The following ZNF451 variants were observed in gnomAD, a reference collection of about 807,000 sequenced individuals.
ZNF451 encodes zinc finger protein 451.
Under a neutral mutation model 107.1 loss-of-function variants are expected in ZNF451, and 80 were observed. That is an observed-to-expected ratio of 0.75 (90% CI 0.62 to 0.90). The LOEUF is 0.90. Ranked by LOEUF, ZNF451 falls within the 40% of genes least tolerant of loss-of-function variation. The pLI is 0.00. For synonymous variants in ZNF451, 362 were observed against 406.5 expected (o/e 0.89, Z 1.32); for missense variants, 1,107 against 1,236.2 (o/e 0.90, Z 1.57).
At chr6:57,159,580 G>A (rs7770035) in intron 13 of ZNF451, 3,721 of 175,608 alleles carry the variant, frequency 0.021, 157 homozygotes, top group African/African-American at 0.089. Context: ...TATCATTAGC[G>A]TTAGTGTATT....
chr6:57,154,890 A>G (rs1216867791), intron 13 of ZNF451, among the ~76,000 whole-genome samples: 1 of 151,726 alleles, frequency 6.6e-6, no homozygotes, highest in Non-Finnish European at 1.5e-5. Flanking sequence ...CTTGCCTCCT[A>G]GATTTTTTTT....
In ZNF451 at chr6:57,168,922, C is replaced by T. The variant is rs1764018568; in HGVS notation, c.*453C>T. ...TCCATAAATTCTACTTCTCATGTGGCACTATTATATAATACCTTTGAGATC... is the reference window on the plus strand; with the variant it reads ...TCCATAAATTCTACTTCTCATGTGGTACTATTATATAATACCTTTGAGATC... On this transcript the variant is annotated 3_prime_UTR_variant, in exon 15 of 15. Transcript: ENST00000370706. 1 of 155,780 alleles carries T rather than the reference C, an allele frequency of 6.4e-6. No individual in the cohort carries two copies. The highest frequency in any genetic ancestry group is 1.4e-5 in the Non-Finnish European group (1 of 70,804). The allele number at this position is 155,780 out of a possible 1,614,324, so 9.6% of individuals were successfully genotyped here.
chr6:57,103,695 C>T (rs1829714146), intron 3 of ZNF451: 1 of 985,150 alleles, frequency 1.0e-6, no homozygotes, highest in Admixed American at 6.2e-5. Flanking sequence ...GTTTTTTCAT[C>T]TGCTTGATCA....
chr6:57,096,126 A>G (rs1380970555), intron 2 of ZNF451, among the ~76,000 whole-genome samples: 1 of 128,982 alleles, frequency 7.8e-6, no homozygotes, highest in Non-Finnish European at 1.7e-5. Context: ...GCCTGCAGCT[A>G]TTTTTAAATT....
chr6:57,124,257 T>A (rs983572894), intron 3 of ZNF451, among the ~76,000 whole-genome samples: 1 of 152,156 alleles, frequency 6.6e-6, no homozygotes, highest in African/African-American at 2.4e-5. Context: ...TAATATAGGA[T>A]CATGTGTGAG....
chr6:57,111,914 A>G (rs1300230924), intron 3 of ZNF451, among the ~76,000 whole-genome samples: 1 of 152,248 alleles, frequency 6.6e-6, no homozygotes, highest in African/African-American at 2.4e-5. Context: ...AGATTTGTTC[A>G]TACAAAGCAG....
chr6:57,129,704 G>A lies in ZNF451; in HGVS notation c.424+864G>A, dbSNP rs1425209389. Among the ~76,000 whole-genome samples the A allele has an allele frequency of 2.0e-5, 3 of 152,004 alleles. 1 individual carries two copies. The highest frequency in any genetic ancestry group is 4.4e-5 in the Non-Finnish European group (3 of 67,972). ...TAGCAGTTCATTCCATTTGATACCT[G>A]ACATAATCGATGTTTTAGACACTTG... is the stretch of plus-strand genomic sequence containing the variant. On this transcript the variant is annotated intron_variant, in intron 5 of 14. Transcript: ENST00000370706.
chr6:57,142,228 A>AT lies in ZNF451; in HGVS notation c.1004+136dup. 2.8e-6 allele frequency: 3 copies of AT among 1,064,116 alleles called. No homozygotes were observed. The East Asian group carries it at 7.2e-5, about 25-fold the overall frequency. The allele number at this position is 1,064,116 out of a possible 1,614,324, so 65.9% of individuals were successfully genotyped here. ...ATACAGTTGCCTGGAAATTAGCCAA[A>AT]TTTAACATAGTGAGAGAAGTTAGAG... is the stretch of plus-strand genomic sequence containing the variant. On this transcript the variant is annotated intron_variant, in intron 9 of 14. Transcript: ENST00000370706.
At chr6:57,108,847 A>G in intron 3 of ZNF451, 1 of 985,428 alleles carries the variant, frequency 1.0e-6, no homozygotes, top group Non-Finnish European at 1.2e-6. Context: ...ATTTTGCAGA[A>G]GAAGAACTGA....
intron 9 of ZNF451, among the ~76,000 whole-genome samples, chr6:57,145,670 A>G (rs1832029421): frequency 6.6e-6 from 1 of 152,134 alleles, no homozygotes; most frequent in African/African-American, 2.4e-5. Flanking sequence ...CATGGTATAT[A>G]TACCATATTT....
chr6:57,090,370 C>T (rs1247110191), intron 1 of ZNF451, 96 bp downstream of exon 1: 22 of 1,545,398 alleles, frequency 1.4e-5, no homozygotes, highest in Non-Finnish European at 1.8e-5. Flanking sequence ...GTCGCAGCCT[C>T]GGGGCGATAC....
At chr6:57,114,096 A>C (rs1206002936) in intron 3 of ZNF451, among the ~76,000 whole-genome samples, 1 of 152,218 alleles carries the variant, frequency 6.6e-6, no homozygotes. Context: ...AAGTTACTTA[A>C]GTAGAAATTT....
At chr6:57,107,291 A>C (rs752820985) in intron 3 of ZNF451, 26 of 985,196 alleles carry the variant, frequency 2.6e-5, no homozygotes, top group Non-Finnish European at 3.1e-5. Flanking sequence ...TTTTTATTCT[A>C]TCAGTGTATA....
intron 3 of ZNF451, chr6:57,108,418 TG>T (rs1291147691): frequency 2.6e-5 from 26 of 985,308 alleles, no homozygotes; most frequent in Admixed American, 2.5e-4. Flanking sequence ...AATAACTATA[TG>T]TTGTGGTCCC....
intron 7 of ZNF451, among the ~76,000 whole-genome samples, chr6:57,138,725 A>G (rs865872126): frequency 1.4e-3 from 168 of 116,390 alleles, no homozygotes; most frequent in Admixed American, 1.9e-3. Context: ...ATATATATAT[A>G]TATATATATA....
chr6:57,160,839 A>G (rs1763640651), intron 13 of ZNF451: 1 of 345,192 alleles, frequency 2.9e-6, no homozygotes, highest in Non-Finnish European at 5.3e-6. Flanking sequence ...GGCATTGTTA[A>G]TGAAAACCTA....
intron 3 of ZNF451, chr6:57,107,190 T>C: frequency 1.0e-6 from 1 of 985,382 alleles, no homozygotes; most frequent in Non-Finnish European, 1.2e-6. Context: ...ATATCAGTTA[T>C]TCTATGTATT....
chr6:57,107,063 AAC>A (rs1829895084), intron 3 of ZNF451: 1 of 982,340 alleles, frequency 1.0e-6, no homozygotes, highest in African/African-American at 1.8e-5. Flanking sequence ...TTATAATGAA[AAC>A]TTTACTAGTG....
chr6:57,098,594 G>C (rs1176630941), intron 2 of ZNF451, among the ~76,000 whole-genome samples: 1 of 152,192 alleles, frequency 6.6e-6, no homozygotes, highest in African/African-American at 2.4e-5. Flanking sequence ...AGGCCTGGTT[G>C]ATGAAGAAAT....
Sources: gnomAD v4.1 joint callset for allele counts (sites outside exome capture counted in the v4.1 genomes callset) on GRCh38, gnomAD v4.1.1 for gene constraint, MANE v1.5 for transcripts, NCBI Gene and HGNC (gene_info 2026-07-23, HGNC 2026-07-21) for gene names.